PRDM16: variants seen among roughly 807,000 people sequenced by gnomAD.
PRDM16 encodes histone-lysine N-methyltransferase PRDM16.
Under a neutral mutation model 110.6 loss-of-function variants are expected in PRDM16, and 23 were observed. The ratio of observed to expected loss-of-function variants is 0.21; its 90% CI spans 0.15 to 0.29. The LOEUF (loss-of-function observed/expected upper bound fraction) is 0.29, where lower values mean the gene tolerates loss of function less well. Ranked by LOEUF, PRDM16 falls within the 10% of genes least tolerant of loss-of-function variation. The pLI is 1.00. For missense variants in PRDM16, 1,615 were observed against 1,794.3 expected (o/e 0.90, Z 1.81); for synonymous variants, 799 against 781.8 (o/e 1.02, Z -0.37).
rs144292152 is a variant in PRDM16, at chr1:3,434,078, C to T, written c.*267C>T. ...CAGGTGGCCGTCCAAAGACAGCCAACGGAGCTGCCTCGCAGAATCAGCCAG... is the reference window on the plus strand; with the variant it reads ...CAGGTGGCCGTCCAAAGACAGCCAATGGAGCTGCCTCGCAGAATCAGCCAG... On this transcript the variant is annotated 3_prime_UTR_variant, in exon 17 of 17. Coordinates refer to ENST00000270722, the MANE Select transcript of PRDM16 (RefSeq NM_022114.4). 1,070 of 430,494 alleles carry T rather than the reference C, an allele frequency of 2.5e-3. 6 individuals carry two copies. Among genetic ancestry groups the T allele is most frequent in the African/African-American group, 0.016 (801 of 50,192 alleles). 26.7% of individuals were successfully genotyped at this position (430,494 alleles called of 1,614,324 possible). A position where few individuals can be genotyped will look rare whatever the true frequency, so the allele number is the denominator to read the frequency against.
intron 1 of PRDM16, among the ~76,000 whole-genome samples, chr1:3,098,325 G>C (rs1415342298): frequency 6.6e-6 from 1 of 152,200 alleles, no homozygotes; most frequent in Non-Finnish European, 1.5e-5. Context: ...CTGCTCCTGG[G>C]TGTCAACTCT....
rs762494143 is a variant in PRDM16 at position 3,425,684 on chromosome 1, C to T, written c.3043C>T (p.Arg1015Cys). ...EKPFKCHLCN[R>C]CFGQQTNLDR... The stretch of plus-strand genomic sequence containing the variant: ...GCCTTTCAAGTGCCACCTGTGCAAC[C>T]GCTGCTTCGGGCAGCAGACCAACCT... The change falls in exon 13 of 17, where the codon CGC becomes TGC. Residue 1015 changes from arginine (R) to cysteine (C), a missense_variant. Arg to Cys is a radical substitution (Grantham distance 180, BLOSUM62 -3). Transcript: ENST00000270722. The surrounding 1 kb of genome is among the most constrained non-coding windows in gnomAD (Gnocchi z 6.9). The T allele has an allele frequency of 6.2e-6, 10 of 1,613,838 alleles. No homozygotes were observed. The highest frequency in any genetic ancestry group is 1.3e-5 in the African/African-American group (1 of 74,926).
At position 3,290,771 on chromosome 1, in the gene PRDM16, C is replaced by T. The variant is rs897521984; in HGVS notation, c.438+46634C>T. 3.9e-5 allele frequency among the ~76,000 whole-genome samples: 6 copies of T among 151,950 alleles called. No homozygotes were observed. The highest frequency in any genetic ancestry group is 9.7e-5 in the African/African-American group (4 of 41,358). On this transcript the variant is annotated intron_variant, in intron 3 of 16. Transcript: ENST00000270722. This position sits in a 1 kb window ranked among gnomAD's most constrained non-coding sequence, Gnocchi z 4.8. ...GGATCCAAAAATATTGCAGAGTTTC[C>T]CGAGGCAGGCCCTACGAGATCCCTG...
chr1:3,361,766 G>A lies in PRDM16; in HGVS notation c.439-23386G>A, dbSNP rs1045636796. Among the ~76,000 whole-genome samples, 24 of 150,514 alleles carry A rather than the reference G, an allele frequency of 1.6e-4. No individual in the cohort carries two copies. In the East Asian group the frequency reaches 2.2e-3, roughly 14 times the overall value. ...GAGGGCAGGTGGTGAGAAGTGACGC[G>A]GTCTGGGAGGGCAGGAGGTGAGAAG... is the stretch of plus-strand genomic sequence containing the variant. On this transcript the variant is annotated intron_variant, in intron 3 of 16. Transcript: ENST00000270722.
intron 1 of PRDM16, among the ~76,000 whole-genome samples, chr1:3,114,189 A>ATG (rs1642868331): frequency 1.2e-5 from 1 of 86,488 alleles, no homozygotes; most frequent in African/African-American, 4.5e-5. Context: ...ACACACGCAC[A>ATG]CACGCACACG....
intron 5 of PRDM16, among the ~76,000 whole-genome samples, chr1:3,401,678 A>G (rs1386732022): frequency 6.6e-6 from 1 of 152,244 alleles, no homozygotes; most frequent in Non-Finnish European, 1.5e-5. Context: ...ATGCACACAC[A>G]ACATAGCCAC....
intron 3 of PRDM16, among the ~76,000 whole-genome samples, chr1:3,384,904 C>T (rs963439083): frequency 1.3e-5 from 2 of 152,130 alleles, no homozygotes; most frequent in Admixed American, 6.5e-5. Flanking sequence ...GTGATCTGCT[C>T]GGTGAGAAAA....
intron 10 of PRDM16, among the ~76,000 whole-genome samples, chr1:3,415,297 G>A (rs1442960761): frequency 6.6e-6 from 1 of 152,256 alleles, no homozygotes; most frequent in East Asian, 1.9e-4. Context: ...CTACTGACTT[G>A]GTCTCATTGC....
In PRDM16 at chr1:3,412,286, G is replaced by A. The variant is rs779334537; in HGVS notation, c.2089G>A (p.Ala697Thr). ...GAAGDSIKAIASIAEKYFGPG... is the reference protein window; with the variant it reads ...GAAGDSIKAITSIAEKYFGPG... ...CGCCGGGGACTCCATCAAGGCCATC[G>A]CATCCATTGCCGAGAAGTACTTTGG... Residue 697 changes from alanine to threonine, a missense_variant, in exon 9 of 17, where the codon GCA becomes ACA. Around this residue, in one of 5 missense-constraint regions of PRDM16, gnomAD observed 772 missense variants for 748.3 expected, o/e 1.03. Transcript: ENST00000270722. The A allele has an allele frequency of 2.2e-5, 35 of 1,613,416 alleles. No individual in the cohort carries two copies. Among genetic ancestry groups the A allele is most frequent in the Non-Finnish European group, 2.8e-5 (33 of 1,180,026 alleles).
In PRDM16 at chr1:3,353,658, C is replaced by T. The variant is rs1642538066; in HGVS notation, c.439-31494C>T. On this transcript the variant is annotated intron_variant, in intron 3 of 16. Transcript: ENST00000270722. The surrounding 1 kb of genome is among the most constrained non-coding windows in gnomAD (Gnocchi z 5.4). The stretch of plus-strand genomic sequence containing the variant: ...CATTGACTCAGGCCACCTCACTGCA[C>T]CCACAGGCTTTGCAGAGAGAACAGG... Among the ~76,000 whole-genome samples the T allele has an allele frequency of 6.6e-6, 1 of 152,226 alleles. No individual in the cohort carries two copies. The highest frequency in any genetic ancestry group is 1.5e-5 in the Non-Finnish European group (1 of 68,036).
At chr1:3,181,213 CACACGCAGTCTTACACACGGTCTT>C (rs1557508339) in intron 1 of PRDM16, among the ~76,000 whole-genome samples, 38 of 90,522 alleles carry the variant, frequency 4.2e-4, no homozygotes, top group Non-Finnish European at 4.9e-4. Flanking sequence ...CACGGTCTTA[CACACGCAGTCTTACACACGGTCTT>C]ACACACAGTC....
chr1:3,372,936 T>C (rs1642930128), intron 3 of PRDM16, among the ~76,000 whole-genome samples: 1 of 152,144 alleles, frequency 6.6e-6, no homozygotes, highest in African/African-American at 2.4e-5. Context: ...GCCTGCGGGC[T>C]CGGGGAATGA....
At chr1:3,256,664 C>T (rs1971330) in intron 3 of PRDM16, among the ~76,000 whole-genome samples, 60,338 of 151,812 alleles carry the variant, frequency 0.4, 14,402 homozygotes, top group East Asian at 0.58. Flanking sequence ...CAAGACCATC[C>T]TGGCTAACAC....
At chr1:3,223,729 G>A (rs1013724824) in intron 2 of PRDM16, among the ~76,000 whole-genome samples, 3 of 152,080 alleles carry the variant, frequency 2.0e-5, no homozygotes, top group African/African-American at 7.3e-5. Context: ...GGTGCAAGAG[G>A]TCACGCGATA....
chr1:3,283,918 GGCTCAGATTC>G (rs1446789453), intron 3 of PRDM16, among the ~76,000 whole-genome samples: 1 of 152,264 alleles, frequency 6.6e-6, no homozygotes, highest in Non-Finnish European at 1.5e-5. Context: ...GGAGGAATGT[GGCTCAGATTC>G]GGGGGACCGG....
At chr1:3,231,535 T>A (rs1639416307) in intron 2 of PRDM16, among the ~76,000 whole-genome samples, 1 of 152,138 alleles carries the variant, frequency 6.6e-6, no homozygotes, top group Non-Finnish European at 1.5e-5. Context: ...TTTCTGGGAC[T>A]CACAATGGGA....
At chr1:3,405,244 C>T (rs989081274) in intron 7 of PRDM16, among the ~76,000 whole-genome samples, 2 of 152,224 alleles carry the variant, frequency 1.3e-5, no homozygotes, top group Non-Finnish European at 1.5e-5. Flanking sequence ...TTTCTGCAGC[C>T]CTGTCTCACG....
intron 3 of PRDM16, among the ~76,000 whole-genome samples, chr1:3,254,887 T>C (rs866045531): frequency 5.9e-5 from 9 of 152,328 alleles, no homozygotes; most frequent in South Asian, 2.1e-4. Flanking sequence ...GGAGGCATCA[T>C]GCTACCTGAC....
At chr1:3,144,820 C>T (rs1643615456) in intron 1 of PRDM16, among the ~76,000 whole-genome samples, 2 of 152,314 alleles carry the variant, frequency 1.3e-5, no homozygotes, top group Middle Eastern at 6.8e-3. Flanking sequence ...CAGAGATACA[C>T]ACATGTCTCA....
Sources: gnomAD v4.1 joint callset for allele counts (sites outside exome capture counted in the v4.1 genomes callset) on GRCh38, gnomAD v4.1.1 for gene constraint, gnomAD v4.1.1 regional missense constraint, Gnocchi (gnomAD v3.1) non-coding constraint, MANE v1.5 for transcripts, NCBI Gene and HGNC (gene_info 2026-07-23, HGNC 2026-07-21) for gene names.